The following SAMD5 variants were observed in gnomAD, a reference collection of about 807,000 sequenced individuals.
SAMD5 encodes the protein sterile alpha motif domain-containing protein 5.
In SAMD5, 13 loss-of-function variants were observed where a neutral mutation model predicts 11.3. The ratio of observed to expected loss-of-function variants is 1.15; its 90% CI spans 0.75 to 1.83. The LOEUF is 1.83. Ranked by LOEUF, SAMD5 falls within the 40% of genes most tolerant of loss-of-function variation. The pLI, the probability that SAMD5 is intolerant of heterozygous loss-of-function variation, is 0.00. For missense variants in SAMD5, 255 were observed against 239.1 expected, an observed-to-expected ratio of 1.07 and a Z score of -0.44; for synonymous variants, 129 against 111.3, an observed-to-expected ratio of 1.16 and a Z score of -1.00.
chr6:147,725,498 T>C (rs6570798), intron 1 of SAMD5, among the ~76,000 whole-genome samples: 110,626 of 151,592 alleles, frequency 0.73, 41,382 homozygotes, highest in African/African-American at 0.89. Context: ...AAGCAATTCT[T>C]CTGCCTCAGC....
intron 1 of SAMD5, 30 bp downstream of exon 1, chr6:147,509,417 G>A: frequency 1.3e-6 from 2 of 1,494,938 alleles, no homozygotes; most frequent in South Asian, 2.6e-5. Flanking sequence ...GCGGCCCGGG[G>A]CGCGCGGCGG....
At chr6:147,823,570 T>C in the SAMD5 span, among the ~76,000 whole-genome samples, 9 of 152,180 alleles carry the variant, frequency 5.9e-5, no homozygotes, top group Admixed American at 2.6e-4. Flanking sequence ...GGCATATCTA[T>C]ACCTATGTAA....
chr6:147,745,486 T>G, the SAMD5 span, among the ~76,000 whole-genome samples: 4 of 152,204 alleles, frequency 2.6e-5, no homozygotes, highest in Non-Finnish European at 4.4e-5. Context: ...TTATACCCGT[T>G]TAACAGATGA....
At chr6:147,716,068 G>A (rs2128458844) in intron 1 of SAMD5, among the ~76,000 whole-genome samples, 1 of 152,262 alleles carries the variant, frequency 6.6e-6, no homozygotes, top group Non-Finnish European at 1.5e-5. Flanking sequence ...GCTTCATCAA[G>A]GACCTGCCCC....
chr6:147,808,421 C>G, the SAMD5 span, among the ~76,000 whole-genome samples: 2 of 152,158 alleles, frequency 1.3e-5, no homozygotes, highest in Non-Finnish European at 2.9e-5. Flanking sequence ...CCAGGCTGTT[C>G]TAGAACTCCT....
chr6:147,518,612 A>G (rs1462202791), intron 1 of SAMD5, among the ~76,000 whole-genome samples: 5 of 152,182 alleles, frequency 3.3e-5, no homozygotes, highest in African/African-American at 1.2e-4. Flanking sequence ...AGGTGAAGAC[A>G]CCCTGAAGAT....
intron 1 of SAMD5, among the ~76,000 whole-genome samples, chr6:147,602,282 G>C (rs1789629735): frequency 6.6e-6 from 1 of 152,124 alleles, no homozygotes; most frequent in East Asian, 1.9e-4. Flanking sequence ...GGACTGGAAG[G>C]GGTAACAGTG....
At chr6:147,753,995 G>A in the SAMD5 span, among the ~76,000 whole-genome samples, 1 of 152,122 alleles carries the variant, frequency 6.6e-6, no homozygotes, top group Non-Finnish European at 1.5e-5. Context: ...ATTGTAAACA[G>A]TGCTTCAACA....
At chr6:147,513,482 AAGAT>A (rs1183154716) in intron 1 of SAMD5, among the ~76,000 whole-genome samples, 1 of 152,160 alleles carries the variant, frequency 6.6e-6, no homozygotes, top group Non-Finnish European at 1.5e-5. Context: ...TTGGGCGAGA[AAGAT>A]ATTGCCTTCA....
chr6:147,682,217 C>G (rs1430953620), intron 1 of SAMD5, among the ~76,000 whole-genome samples: 4 of 152,128 alleles, frequency 2.6e-5, no homozygotes, highest in Non-Finnish European at 5.9e-5. Context: ...AATGGTAGGG[C>G]TCATCTTGTA....
chr6:147,675,358 T>G (rs1790847851), intron 1 of SAMD5, among the ~76,000 whole-genome samples: 1 of 152,200 alleles, frequency 6.6e-6, no homozygotes, highest in Non-Finnish European at 1.5e-5. Context: ...GAACCCATCC[T>G]GAACGTGTTC....
intron 1 of SAMD5, among the ~76,000 whole-genome samples, chr6:147,535,581 A>C (rs776882648): frequency 9.2e-5 from 14 of 152,214 alleles, no homozygotes; most frequent in Admixed American, 2.0e-4. Flanking sequence ...TGTTTACAAA[A>C]TAAACTTTAG....
At chr6:147,857,773 G>A in the SAMD5 span, among the ~76,000 whole-genome samples, 1 of 152,088 alleles carries the variant, frequency 6.6e-6, no homozygotes. Context: ...ATCAAAATAT[G>A]TACAAAGGGC....
the SAMD5 span, among the ~76,000 whole-genome samples, chr6:147,794,709 G>A: frequency 6.6e-6 from 1 of 152,178 alleles, no homozygotes; most frequent in African/African-American, 2.4e-5. Flanking sequence ...TAGGAAGCAT[G>A]AAAACTGAAT....
chr6:147,884,563 A>G, the SAMD5 span, among the ~76,000 whole-genome samples: 2 of 152,234 alleles, frequency 1.3e-5, 1 homozygote, highest in South Asian at 4.1e-4. Flanking sequence ...AGCACAGGTA[A>G]TTTTGAAGGT....
chr6:147,710,033 A>G (rs1341095196), intron 1 of SAMD5, among the ~76,000 whole-genome samples: 3 of 152,080 alleles, frequency 2.0e-5, no homozygotes, highest in Non-Finnish European at 4.4e-5. Flanking sequence ...CTCCAAATTC[A>G]TTTCCTGCAA....
At chr6:147,664,973 T>A (rs2128454816) in intron 1 of SAMD5, among the ~76,000 whole-genome samples, 1 of 152,332 alleles carries the variant, frequency 6.6e-6, no homozygotes, top group Admixed American at 6.5e-5. Context: ...AGGTAGCAAT[T>A]TCTTTAGTGT....
the SAMD5 span, among the ~76,000 whole-genome samples, chr6:147,922,819 G>C: frequency 5.3e-5 from 8 of 152,118 alleles, no homozygotes; most frequent in Non-Finnish European, 8.8e-5. Flanking sequence ...TAAATTAATA[G>C]ATTTCTAAGT....
chr6:147,624,342 T>C (rs1790018304), intron 1 of SAMD5, among the ~76,000 whole-genome samples: 1 of 148,898 alleles, frequency 6.7e-6, no homozygotes, highest in South Asian at 2.2e-4. Context: ...CCCCAGGGGA[T>C]GTGGCAGTGC....
Sources: gnomAD v4.1 joint callset for allele counts (sites outside exome capture counted in the v4.1 genomes callset) on GRCh38, gnomAD v4.1.1 for gene constraint, MANE v1.5 for transcripts, NCBI Gene and HGNC (gene_info 2026-07-23, HGNC 2026-07-21) for gene names.